Variants in DNAH7 observed in about 807,000 individuals in gnomAD.
The protein encoded by DNAH7 is dynein axonemal heavy chain 7.
DNAH7 carries 397 observed loss-of-function variants against 444.6 expected under a neutral mutation model. The observed-to-expected ratio is 0.89, with a 90% CI of 0.82 to 0.97. The LOEUF (loss-of-function observed/expected upper bound fraction) is 0.97, where lower values mean the gene tolerates loss of function less well. Ranked by LOEUF, DNAH7 falls within the 50% of genes least tolerant of loss-of-function variation. The pLI, the probability that DNAH7 is intolerant of heterozygous loss-of-function variation, is 0.00. For missense variants in DNAH7, 4,902 were observed against 4,800.8 expected (o/e 1.02, Z -0.62); for synonymous variants, 1,636 against 1,624.4 (o/e 1.01, Z -0.17).
intron 63 of DNAH7, among the ~76,000 whole-genome samples, chr2:195,744,567 C>A (rs1246701602): frequency 6.6e-6 from 1 of 152,226 alleles, no homozygotes; most frequent in East Asian, 1.9e-4. Context: ...GGGTCCCTGA[C>A]CCCTCACCCC....
chr2:195,852,041 A>C (rs891831869), intron 46 of DNAH7, among the ~76,000 whole-genome samples: 2 of 152,048 alleles, frequency 1.3e-5, no homozygotes, highest in African/African-American at 4.8e-5. Context: ...GGCAGATCAT[A>C]AGGTCAGGAG....
rs149117365 is a variant in DNAH7, at chr2:195,855,767, C to T, written c.8595+44G>A. On this transcript the variant is annotated intron_variant, in intron 45 of 64. Transcript: ENST00000312428. ...CTAGTACGAACATCATTCTTAGTTA[C>T]GATAACTGAGAATTTGTCCATCTTT... is the stretch of plus-strand genomic sequence containing the variant. 145 of 1,590,990 alleles carry T rather than the reference C, an allele frequency of 9.1e-5. 2 individuals carry two copies. In the African/African-American group the frequency reaches 1.7e-3, roughly 19 times the overall value.
intron 14 of DNAH7, 146 bp downstream of exon 14, chr2:195,986,920 T>G: frequency 1.3e-6 from 1 of 750,290 alleles, no homozygotes; most frequent in Non-Finnish European, 2.0e-6. Context: ...AAGTGACACT[T>G]AAAGCCAAGC....
At chr2:195,985,713 A>G (rs1243684392) in intron 14 of DNAH7, among the ~76,000 whole-genome samples, 3 of 152,238 alleles carry the variant, frequency 2.0e-5, no homozygotes, top group African/African-American at 7.2e-5. Context: ...ACAAGCTCAG[A>G]GAACATTAAG....
rs935825371 is a variant in DNAH7 at position 195,793,755 on chromosome 2, C to A, written c.10716+583G>T. On this transcript the variant is annotated intron_variant, in intron 57 of 64. Transcript: ENST00000312428. ...GCAAAAACTTCCTAAAGTTCATAAC[C>A]CCTCTTAAAAAGAAACTCTTCCATT... is the stretch of plus-strand genomic sequence containing the variant. Among the ~76,000 whole-genome samples the A allele has an allele frequency of 2.4e-4, 36 of 152,086 alleles. 1 individual carries two copies. Among genetic ancestry groups the A allele is most frequent in the African/African-American group, 8.5e-4 (35 of 41,410 alleles).
intron 60 of DNAH7, among the ~76,000 whole-genome samples, chr2:195,773,420 CAA>C (rs10718599): frequency 0.024 from 3,376 of 141,004 alleles, 58 homozygotes; most frequent in Non-Finnish European, 0.032. Context: ...TGTGCCTCTG[CAA>C]AAAAAAAAAA....
chr2:195,993,266 G>T (rs1159177359), intron 12 of DNAH7, among the ~76,000 whole-genome samples: 1 of 152,180 alleles, frequency 6.6e-6, no homozygotes, highest in Non-Finnish European at 1.5e-5. Flanking sequence ...TTCTTGCAGA[G>T]CCTGATAAAC....
intron 58 of DNAH7, among the ~76,000 whole-genome samples, chr2:195,785,037 G>C (rs901921250): frequency 6.6e-6 from 1 of 151,364 alleles, no homozygotes; most frequent in Non-Finnish European, 1.5e-5. Flanking sequence ...TCAGCCTCCC[G>C]AGTAGCTGGG....
intron 57 of DNAH7, among the ~76,000 whole-genome samples, chr2:195,789,270 G>T (rs1292582530): frequency 6.6e-6 from 1 of 151,884 alleles, no homozygotes; most frequent in Admixed American, 6.6e-5. Context: ...AAAGACTCAA[G>T]TATAGCAATG....
intron 25 of DNAH7, 48 bp downstream of exon 25, chr2:195,909,979 T>C (rs780278742): frequency 1.3e-6 from 2 of 1,528,878 alleles, no homozygotes; most frequent in Middle Eastern, 1.7e-4. Context: ...TAAATAACCA[T>C]CTCTGATCAG....
intron 7 of DNAH7, among the ~76,000 whole-genome samples, chr2:196,025,263 A>T (rs1695612649): frequency 6.6e-6 from 1 of 152,170 alleles, no homozygotes; most frequent in Non-Finnish European, 1.5e-5. Flanking sequence ...TCTTGTTATA[A>T]AATCAGAGAA....
intron 46 of DNAH7, among the ~76,000 whole-genome samples, chr2:195,851,586 C>T (rs1228114180): frequency 6.6e-6 from 1 of 152,160 alleles, no homozygotes; most frequent in Non-Finnish European, 1.5e-5. Context: ...CTAGCAGCCC[C>T]CCATTCTGAT....
Position 195,871,930 on chromosome 2 carries a change from CAAAAAAAAAAAAAAAAAAAAAA to C in DNAH7, c.6633+298_6633+319del, listed in dbSNP as rs553845281. 7.3e-4 allele frequency among the ~76,000 whole-genome samples: 18 copies of C among 24,804 alleles called. 3 individuals carry two copies. In the East Asian group the frequency reaches 9.8e-3, roughly 14 times the overall value. 16.3% of individuals were successfully genotyped at this position (24,804 alleles called of 152,430 possible). Reference sequence around the variant, plus strand: ...TGGGCGACAGAGCGAGACTCCGTCTCAAAAAAAAAAAAAAAAAAAAAAAAAAAAAAAAAAAAAAACTACTTAA... The same window carrying C: ...TGGGCGACAGAGCGAGACTCCGTCTCAAAAAAAAAAAAAAAAACTACTTAA... On this transcript the variant is annotated intron_variant, in intron 40 of 64. Transcript: ENST00000312428.
At chr2:195,999,841 A>T (rs775075398) in intron 12 of DNAH7, among the ~76,000 whole-genome samples, 1 of 152,208 alleles carries the variant, frequency 6.6e-6, no homozygotes, top group Non-Finnish European at 1.5e-5. Context: ...AGATGCTTCC[A>T]CTTATACAAA....
intron 15 of DNAH7, among the ~76,000 whole-genome samples, chr2:195,981,272 G>T (rs1692553817): frequency 6.6e-6 from 1 of 151,834 alleles, no homozygotes; most frequent in Non-Finnish European, 1.5e-5. Context: ...AAATACCTAG[G>T]ATTAACCAAA....
At chr2:195,862,196 G>A (rs1700059041) in intron 41 of DNAH7, among the ~76,000 whole-genome samples, 1 of 152,158 alleles carries the variant, frequency 6.6e-6, no homozygotes, top group Non-Finnish European at 1.5e-5. Flanking sequence ...TTGTTCATGA[G>A]TGTTGCAGGA....
At chr2:195,883,286 A>G (rs1427534302) in intron 35 of DNAH7, among the ~76,000 whole-genome samples, 3 of 152,092 alleles carry the variant, frequency 2.0e-5, no homozygotes, top group South Asian at 4.1e-4. Context: ...TCTCTACTAA[A>G]AATACAAAAA....
chr2:195,777,106 C>T (rs974571986), intron 59 of DNAH7, among the ~76,000 whole-genome samples: 1 of 152,164 alleles, frequency 6.6e-6, no homozygotes, highest in Non-Finnish European at 1.5e-5. Flanking sequence ...TGGGGGGTTA[C>T]AGTATGTGTT....
rs1397795800 is a variant in DNAH7 at position 195,972,282 on chromosome 2, A to AT, written c.2017dup (p.Ile673AsnfsTer3). The AT allele has an allele frequency of 1.2e-6, 2 of 1,613,980 alleles. No homozygotes were observed. The highest frequency in any genetic ancestry group is 1.7e-6 in the Non-Finnish European group (2 of 1,179,956). On this transcript the variant is annotated frameshift_variant, in exon 16 of 65. Coordinates refer to ENST00000312428, the MANE Select transcript of DNAH7 (RefSeq NM_018897.3). LOFTEE classifies it high-confidence loss of function. The stretch of plus-strand genomic sequence containing the variant: ...ATATTGTTCTATTTTCTCTTTAATG[A>AT]TTTTCCTGTGTTCTTCAAAAATTTC...
Sources: allele counts gnomAD v4.1 joint callset (sites outside exome capture counted in the v4.1 genomes callset), GRCh38; gene constraint gnomAD v4.1.1; transcripts MANE v1.5; gene names NCBI Gene and HGNC (gene_info 2026-07-23, HGNC 2026-07-21).